Variants in NTM observed in about 807,000 individuals in gnomAD.
NTM encodes neurotrimin.
A neutral mutation model predicts 42.1 loss-of-function variants in NTM; 13 were observed. The observed-to-expected ratio is 0.31, with a 90% CI of 0.20 to 0.49. The LOEUF is 0.49. Ranked by LOEUF, NTM falls within the 20% of genes least tolerant of loss-of-function variation. NTM has a pLI of 0.99. For missense variants in NTM, 373 were observed against 452.8 expected, an observed-to-expected ratio of 0.82 and a Z score of 1.60; for synonymous variants, 187 against 179.2, an observed-to-expected ratio of 1.04 and a Z score of -0.35.
chr11:131,700,876 A>C (rs376550015), intron 1 of NTM, among the ~76,000 whole-genome samples: 1 of 152,228 alleles, frequency 6.6e-6, no homozygotes, highest in African/African-American at 2.4e-5. Flanking sequence ...TCTTAGGAGA[A>C]GTAGCATCAT....
At chr11:132,077,158 C>T (rs1046314036) in intron 2 of NTM, among the ~76,000 whole-genome samples, 3 of 152,210 alleles carry the variant, frequency 2.0e-5, no homozygotes, top group Non-Finnish European at 4.4e-5. Context: ...CATGCGAAGG[C>T]ACAGGGTGAG....
At position 131,393,247 on chromosome 11, in the gene NTM, G is replaced by T. The variant is rs1284065034; in HGVS notation, c.82+22359G>T. ...AGTGGATCCCCAGACTGGGATGCCA[G>T]TCCTTGCCAAAAGAAAGCCCCATGG... is the stretch of plus-strand genomic sequence containing the variant. On this transcript the variant is annotated intron_variant, in intron 1 of 8. Coordinates refer to ENST00000683400, the MANE Select transcript of NTM (RefSeq NM_001352005.2). Among the ~76,000 whole-genome samples the T allele has an allele frequency of 2.0e-5, 3 of 152,154 alleles. No homozygotes were observed. The East Asian group carries it at 5.8e-4, about 29-fold the overall frequency.
intron 1 of NTM, among the ~76,000 whole-genome samples, chr11:131,867,615 T>A (rs2047360088): frequency 6.6e-6 from 1 of 152,076 alleles, no homozygotes; most frequent in Non-Finnish European, 1.5e-5. Flanking sequence ...TGTGTATGTA[T>A]GCATGTGTGT....
At chr11:132,167,517 A>T (rs376163133) in intron 3 of NTM, among the ~76,000 whole-genome samples, 1 of 152,226 alleles carries the variant, frequency 6.6e-6, no homozygotes, top group Non-Finnish European at 1.5e-5. Flanking sequence ...AACAAATGGG[A>T]GTAGCCAATC....
intron 1 of NTM, among the ~76,000 whole-genome samples, chr11:131,773,199 G>T (rs1306074055): frequency 6.6e-6 from 1 of 152,180 alleles, no homozygotes; most frequent in Non-Finnish European, 1.5e-5. Flanking sequence ...CCTTGTTGCT[G>T]TGTCCTCCGG....
Position 131,973,940 on chromosome 11 carries a change from G to A in NTM, c.167+62292G>A, listed in dbSNP as rs538491643. 2.0e-5 allele frequency among the ~76,000 whole-genome samples: 3 copies of A among 152,274 alleles called. No individual in the cohort carries two copies. In the East Asian group the frequency reaches 5.8e-4, roughly 29 times the overall value. ...TTTCTTCTGCCTGTGCCACCCCTGAGGCTGGAAGACCAACTCCTCAGCCTA... is the reference window on the plus strand; with the variant it reads ...TTTCTTCTGCCTGTGCCACCCCTGAAGCTGGAAGACCAACTCCTCAGCCTA... On this transcript the variant is annotated intron_variant, in intron 2 of 8. Transcript: ENST00000683400.
chr11:131,559,043 TTAATAAAAAA>T (rs1423843359), intron 1 of NTM, among the ~76,000 whole-genome samples: 1 of 152,224 alleles, frequency 6.6e-6, no homozygotes, highest in African/African-American at 2.4e-5. Flanking sequence ...GAATATTTTC[TTAATAAAAAA>T]TCAAATTCAA....
chr11:131,414,754 C>T (rs1002949160), intron 1 of NTM, among the ~76,000 whole-genome samples: 5 of 152,178 alleles, frequency 3.3e-5, no homozygotes, highest in Non-Finnish European at 7.3e-5. Flanking sequence ...CCAAATCAGC[C>T]TGCCTATTTC....
intron 4 of NTM, among the ~76,000 whole-genome samples, chr11:132,281,557 C>T (rs1412426914): frequency 1.3e-5 from 2 of 152,150 alleles, no homozygotes; most frequent in Admixed American, 6.5e-5. Context: ...TGTGGGAGAA[C>T]CTTCTTTCAT....
At chr11:131,601,567 C>T (rs1478586244) in intron 1 of NTM, among the ~76,000 whole-genome samples, 1 of 151,956 alleles carries the variant, frequency 6.6e-6, no homozygotes, top group Non-Finnish European at 1.5e-5. Flanking sequence ...AATGCTCCCA[C>T]CTCAAACCCC....
chr11:132,304,687 G>A (rs947845409), intron 4 of NTM, among the ~76,000 whole-genome samples: 6 of 152,172 alleles, frequency 3.9e-5, no homozygotes, highest in Non-Finnish European at 8.8e-5. Context: ...AGAGAAAAAG[G>A]TGGGTGAGGA....
At chr11:132,219,495 C>T (rs1368273377) in intron 4 of NTM, among the ~76,000 whole-genome samples, 2 of 151,730 alleles carry the variant, frequency 1.3e-5, no homozygotes, top group African/African-American at 4.8e-5. Context: ...AATTAAGTCT[C>T]TCTTAATTTA....
intron 1 of NTM, among the ~76,000 whole-genome samples, chr11:131,658,972 GA>G (rs1255115708): frequency 6.6e-6 from 1 of 151,870 alleles, no homozygotes; most frequent in East Asian, 1.9e-4. Flanking sequence ...ACTCCAAAAA[GA>G]AAAAAACAAA....
intron 2 of NTM, among the ~76,000 whole-genome samples, chr11:132,058,505 T>C (rs746961870): frequency 6.6e-6 from 1 of 152,240 alleles, no homozygotes; most frequent in Non-Finnish European, 1.5e-5. Flanking sequence ...AGATGACTAA[T>C]GCTGTGTTGC....
At chr11:131,967,716 T>C (rs775512669) in intron 2 of NTM, among the ~76,000 whole-genome samples, 2 of 152,228 alleles carry the variant, frequency 1.3e-5, no homozygotes, top group Non-Finnish European at 2.9e-5. Context: ...CTCTCTTTTT[T>C]GCTGCTTGAG....
At chr11:131,478,652 C>G (rs1953217268) in intron 1 of NTM, among the ~76,000 whole-genome samples, 1 of 152,196 alleles carries the variant, frequency 6.6e-6, no homozygotes, top group East Asian at 1.9e-4. Context: ...ATCAGAGACT[C>G]TGACCACGGT....
At chr11:131,964,889 G>C (rs1294255628) in intron 2 of NTM, among the ~76,000 whole-genome samples, 1 of 152,182 alleles carries the variant, frequency 6.6e-6, no homozygotes, top group Non-Finnish European at 1.5e-5. Flanking sequence ...TGGTTCAGCA[G>C]GATGCTTTAC....
intron 4 of NTM, among the ~76,000 whole-genome samples, chr11:132,218,064 G>A (rs375250413): frequency 9.9e-5 from 15 of 152,118 alleles, no homozygotes; most frequent in East Asian, 7.8e-4. Context: ...GAGCTCTGGC[G>A]TGCCATCGGC....
intron 1 of NTM, among the ~76,000 whole-genome samples, chr11:131,589,331 T>G (rs764636675): frequency 6.6e-5 from 10 of 152,124 alleles, no homozygotes; most frequent in Non-Finnish European, 1.2e-4. Flanking sequence ...ACACACATTC[T>G]TCATTATAAA....
Sources: allele counts gnomAD v4.1 joint callset (sites outside exome capture counted in the v4.1 genomes callset), GRCh38; gene constraint gnomAD v4.1.1; transcripts MANE v1.5; gene names NCBI Gene and HGNC (gene_info 2026-07-23, HGNC 2026-07-21).